BCL7A: variants seen among roughly 807,000 people sequenced by gnomAD.
BCL7A encodes B-cell CLL/lymphoma 7 protein family member A.
In BCL7A, 11 loss-of-function variants were observed where a neutral mutation model predicts 28.4. That is an observed-to-expected ratio of 0.39 (90% CI 0.24 to 0.64). BCL7A has a LOEUF of 0.64. BCL7A is among the 30% of genes least tolerant of loss of function. The probability of loss-of-function intolerance (pLI) is 0.50; values close to 1 mark genes in which losing one functional copy is unlikely to be tolerated. For synonymous variants in BCL7A, 123 were observed against 103.3 expected (o/e 1.19, Z -1.15); for missense variants, 222 against 274.8 (o/e 0.81, Z 1.36).
chr12:122,023,257 A>C (rs551002061), intron 1 of BCL7A, among the ~76,000 whole-genome samples: 1 of 151,510 alleles, frequency 6.6e-6, no homozygotes, highest in African/African-American at 2.4e-5. Flanking sequence ...TTTTTTTCCC[A>C]CGCCTTCACT....
At chr12:122,041,365 G>T (rs1287691925) in intron 3 of BCL7A, among the ~76,000 whole-genome samples, 3 of 152,214 alleles carry the variant, frequency 2.0e-5, no homozygotes, top group African/African-American at 7.2e-5. Flanking sequence ...GGGTGTCTCT[G>T]TCTCTTTCTC....
intron 3 of BCL7A, among the ~76,000 whole-genome samples, chr12:122,043,349 C>A (rs1883998058): frequency 7.2e-6 from 1 of 138,020 alleles, no homozygotes; most frequent in African/African-American, 2.7e-5. Flanking sequence ...GAAGGTCAGG[C>A]CAGTGCCGGA....
chr12:122,040,545 A>C (rs1200821727), intron 3 of BCL7A, among the ~76,000 whole-genome samples: 1 of 151,570 alleles, frequency 6.6e-6, no homozygotes, highest in Admixed American at 6.6e-5. Flanking sequence ...AAAAAAAAAA[A>C]AAAAACCAAA....
rs560250485 is a variant in BCL7A, at chr12:122,031,323, C to T, written c.174+542C>T. Among the ~76,000 whole-genome samples the T allele has an allele frequency of 1.1e-4, 17 of 152,048 alleles. No individual in the cohort carries two copies. The South Asian group carries it at 1.2e-3, about 11-fold the overall frequency. On this transcript the variant is annotated intron_variant, in intron 2 of 5. Transcript: ENST00000261822. ...GAGTTAAGGCGTGAACCAGTGCGCC[C>T]GGCCTGCAAGTTGTGTCTTCTGGGC...
intron 4 of BCL7A, among the ~76,000 whole-genome samples, chr12:122,050,573 C>T (rs1399261131): frequency 1.3e-5 from 2 of 152,168 alleles, no homozygotes; most frequent in East Asian, 1.9e-4. Context: ...GGGGGTGAGA[C>T]GGGGGCTGTG....
At chr12:122,043,396 T>G (rs1883999150) in intron 3 of BCL7A, among the ~76,000 whole-genome samples, 1 of 20,856 alleles carries the variant, frequency 4.8e-5, no homozygotes, top group African/African-American at 3.4e-4. Context: ...ATGGCTGTGG[T>G]GCTTGGGTGG....
rs1951901334 is a variant in BCL7A at position 122,059,362 on chromosome 12, C to A, written c.*199C>A. 1 of 551,654 alleles carries A rather than the reference C, an allele frequency of 1.8e-6. No homozygotes were observed. The highest frequency in any genetic ancestry group is 3.2e-6 in the Non-Finnish European group (1 of 308,394). 34.2% of individuals were successfully genotyped at this position (551,654 alleles called of 1,614,324 possible). A position where few individuals can be genotyped will look rare whatever the true frequency, so the allele number is the denominator to read the frequency against. On this transcript the variant is annotated 3_prime_UTR_variant, in exon 6 of 6. Transcript: ENST00000261822. This position sits in a 1 kb window ranked among gnomAD's most constrained non-coding sequence, Gnocchi z 4.0. Reference sequence around the variant, plus strand: ...GAACTCTGCTGTGAAGCAAAACACTCAAACCTTTAAGGGACTGTCCTTGGG... The same window carrying A: ...GAACTCTGCTGTGAAGCAAAACACTAAAACCTTTAAGGGACTGTCCTTGGG...
rs959348729 is a variant in BCL7A at position 122,060,905 on chromosome 12, A to G, written c.*1742A>G. The G allele has an allele frequency of 4.4e-6, 1 of 226,136 alleles. No individual in the cohort carries two copies. The highest frequency in any genetic ancestry group is 2.2e-5 in the African/African-American group (1 of 44,810). The allele number at this position is 226,136 out of a possible 1,614,324, so 14.0% of individuals were successfully genotyped here. ...TCCTGAAATAAGGGAAAAAAAAAAA[A>G]CCACAACTTTGAAAATCTTAATGTT... On this transcript the variant is annotated 3_prime_UTR_variant, in exon 6 of 6. Coordinates refer to ENST00000261822, the MANE Select transcript of BCL7A (RefSeq NM_001024808.3).
intron 3 of BCL7A, among the ~76,000 whole-genome samples, 171 bp downstream of exon 3, chr12:122,035,598 G>C (rs1264255795): frequency 6.6e-6 from 1 of 152,212 alleles, no homozygotes; most frequent in Non-Finnish European, 1.5e-5. Flanking sequence ...CGGAGGAGAG[G>C]ATGTTTCTTT....
In BCL7A at chr12:122,060,368, G is replaced by C. The variant is rs1408399963; in HGVS notation, c.*1205G>C. 4.3e-6 allele frequency: 1 copy of C among 232,818 alleles called. No homozygotes were observed. The allele number at this position is 232,818 out of a possible 1,614,324, so 14.4% of individuals were successfully genotyped here. ...GAGTGGGCCTTGATGGCCGGGCCTC[G>C]AAGGCCACAAACAAGGCGTCGAGGA... On this transcript the variant is annotated 3_prime_UTR_variant, in exon 6 of 6. Transcript: ENST00000261822.
At chr12:122,049,225 TA>T (rs72232692) in intron 4 of BCL7A, among the ~76,000 whole-genome samples, 47 of 119,698 alleles carry the variant, frequency 3.9e-4, no homozygotes, top group African/African-American at 5.1e-4. Flanking sequence ...GACCCTGTCT[TA>T]AAAAAAAAAA....
At chr12:122,022,511 G>A (rs1207173510) in intron 1 of BCL7A, among the ~76,000 whole-genome samples, 1 of 145,776 alleles carries the variant, frequency 6.9e-6, no homozygotes, top group Non-Finnish European at 1.5e-5. Flanking sequence ...GGGGGGCTCG[G>A]GGCCGGCCCC....
intron 2 of BCL7A, among the ~76,000 whole-genome samples, chr12:122,032,866 AG>A (rs975614033): frequency 6.6e-6 from 1 of 151,964 alleles, no homozygotes; most frequent in Non-Finnish European, 1.5e-5. Flanking sequence ...CTTTCCCTCT[AG>A]GGCGATGGTT....
At chr12:122,046,463 G>A (rs1228758601) in intron 4 of BCL7A, among the ~76,000 whole-genome samples, 2 of 152,178 alleles carry the variant, frequency 1.3e-5, no homozygotes, top group Non-Finnish European at 2.9e-5. Context: ...CCGCACCCCT[G>A]TGCAAGGAGG....
intron 1 of BCL7A, among the ~76,000 whole-genome samples, chr12:122,023,861 G>A (rs558363227): frequency 6.6e-6 from 1 of 152,372 alleles, no homozygotes; most frequent in African/African-American, 2.4e-5. Context: ...TGCAAAGAAA[G>A]AACTGGTGTC....
At chr12:122,052,831 C>A (rs146741642) in intron 4 of BCL7A, among the ~76,000 whole-genome samples, 2,369 of 133,354 alleles carry the variant, frequency 0.018, 76 homozygotes, top group African/African-American at 0.064. Flanking sequence ...TACAGGCGCG[C>A]GACACCACGC....
In BCL7A at chr12:122,034,786, A is replaced by ATCCTCCCTCCTTTCTCCCGGGG. The variant is rs560075286; in HGVS notation, c.175-520_175-499dup. On this transcript the variant is annotated intron_variant, in intron 2 of 5. Transcript: ENST00000261822. ...AAGGAATGGCACGAAAAGCATCCCC[A>ATCCTCCCTCCTTTCTCCCGGGG]TCCTCCCTCCTTTCTCCCGGGGTCC... is the stretch of plus-strand genomic sequence containing the variant. Among the ~76,000 whole-genome samples the ATCCTCCCTCCTTTCTCCCGGGG allele has an allele frequency of 4.0e-5, 6 of 151,110 alleles. No individual in the cohort carries two copies. The East Asian group carries it at 9.7e-4, about 24-fold the overall frequency.
chr12:122,045,642 A>G (rs1183375679), intron 4 of BCL7A, among the ~76,000 whole-genome samples: 5 of 152,276 alleles, frequency 3.3e-5, no homozygotes, highest in South Asian at 2.1e-4. Context: ...AAAGAATGGC[A>G]TAATACTGTC....
chr12:122,060,209 C>T lies in BCL7A; in HGVS notation c.*1046C>T. On this transcript the variant is annotated 3_prime_UTR_variant, in exon 6 of 6. Transcript: ENST00000261822. ...GCTGCCCTTTGCCTCCCCCGACGCC[C>T]CAGCCTGTGCCCCGGAGAGGCAGGA... The T allele has an allele frequency of 4.3e-6, 1 of 233,076 alleles. No individual in the cohort carries two copies. The highest frequency in any genetic ancestry group is 8.5e-6 in the Non-Finnish European group (1 of 117,652). The allele number at this position is 233,076 out of a possible 1,614,324, so 14.4% of individuals were successfully genotyped here.
Sources: allele counts gnomAD v4.1 joint callset (sites outside exome capture counted in the v4.1 genomes callset), GRCh38; gene constraint gnomAD v4.1.1; non-coding constraint Gnocchi (gnomAD v3.1); transcripts MANE v1.5; gene names NCBI Gene and HGNC (gene_info 2026-07-23, HGNC 2026-07-21).